Variants in ATP10A observed in about 807,000 individuals in gnomAD.
The protein encoded by ATP10A is phospholipid-transporting ATPase VA.
Under a neutral mutation model 147.8 loss-of-function variants are expected in ATP10A, and 111 were observed. The ratio of observed to expected loss-of-function variants is 0.75; its 90% CI spans 0.64 to 0.88. ATP10A has a LOEUF of 0.88. ATP10A is among the 40% of genes least tolerant of loss of function. The probability of loss-of-function intolerance (pLI) is 0.00; values close to 1 mark genes in which losing one functional copy is unlikely to be tolerated. For missense variants in ATP10A, 1,927 were observed against 1,959.0 expected (o/e 0.98, Z 0.31); for synonymous variants, 875 against 841.6 (o/e 1.04, Z -0.69).
intron 3 of ATP10A, among the ~76,000 whole-genome samples, chr15:25,729,185 A>G (rs1354089995): frequency 2.0e-5 from 3 of 152,174 alleles, no homozygotes; most frequent in African/African-American, 7.2e-5. Flanking sequence ...AGAGATCCTT[A>G]AGTTAAAATG....
intron 1 of ATP10A, among the ~76,000 whole-genome samples, chr15:25,855,541 A>AACATACAC (rs149812126): frequency 5.5e-5 from 8 of 146,108 alleles, no homozygotes; most frequent in African/African-American, 2.0e-4. Context: ...TATTGGTTAA[A>AACATACAC]ACACACACAC....
In ATP10A at chr15:25,716,789, T is replaced by C; in HGVS notation, c.1717A>G (p.Ile573Val). 1.2e-6 allele frequency: 2 copies of C among 1,608,988 alleles called. No homozygotes were observed. The highest frequency in any genetic ancestry group is 1.7e-6 in the Non-Finnish European group (2 of 1,177,914). ...ACTGTGTTGCAGATGGTGAGTGCGA[T>C]GAAGAAATCAAAGACGTCAGACAGC... ...PELSDVFDFF[I>V]ALTICNTVVV... The change falls in exon 9 of 21, where the codon ATC becomes GTC. Residue 573 changes from isoleucine (I) to valine (V), a missense_variant. Ile to Val is a conservative substitution (Grantham distance 29). Coordinates refer to ENST00000555815, the MANE Select transcript of ATP10A (RefSeq NM_024490.4).
Position 25,679,321 on chromosome 15 carries a change from A to T in ATP10A, c.*20T>A. 1 of 1,383,914 alleles carries T rather than the reference A, an allele frequency of 7.2e-7. No homozygotes were observed. The highest frequency in any genetic ancestry group is 9.4e-7 in the Non-Finnish European group (1 of 1,058,468). 85.7% of individuals were successfully genotyped at this position (1,383,914 alleles called of 1,614,324 possible). A position where few individuals can be genotyped will look rare whatever the true frequency, so the allele number is the denominator to read the frequency against. On this transcript the variant is annotated 3_prime_UTR_variant, in exon 21 of 21. Transcript: ENST00000555815. ...ATTAACATTTATTTATATATATTAA[A>T]AAAGGCCATTTCAAGGTTTTCACTG...
At position 25,721,691 on chromosome 15, in the gene ATP10A, A is replaced by G; in HGVS notation, c.1329T>C (p.Thr443=). Residue 443 remains threonine, a synonymous_variant, in exon 7 of 21, where the codon ACT becomes ACC. Transcript: ENST00000555815. ...TENKMVFRRC[T]VSGVEYSHDA... ...CATGAGAATATTCTACACCAGACAC[A>G]GTGCATCTTCGGAAAACCATCTTAT... 2 of 1,614,118 alleles carry G rather than the reference A, an allele frequency of 1.2e-6. No homozygotes were observed. Among genetic ancestry groups the G allele is most frequent in the Non-Finnish European group, 1.7e-6 (2 of 1,180,012 alleles).
intron 14 of ATP10A, among the ~76,000 whole-genome samples, chr15:25,694,370 C>A (rs745819066): frequency 1.2e-4 from 18 of 152,372 alleles, no homozygotes; most frequent in South Asian, 1.0e-3. Flanking sequence ...GAATTCTGGT[C>A]ACCAAGCCTC....
intron 2 of ATP10A, among the ~76,000 whole-genome samples, chr15:25,751,062 G>T (rs9920912): frequency 0.35 from 52,881 of 151,760 alleles, 9,563 homozygotes; most frequent in Non-Finnish European, 0.4. Flanking sequence ...AAAAAAATTA[G>T]CAAAAGACTC....
chr15:25,759,740 T>G (rs1888650238), intron 2 of ATP10A, among the ~76,000 whole-genome samples: 1 of 148,196 alleles, frequency 6.7e-6, no homozygotes, highest in Non-Finnish European at 1.5e-5. Context: ...GCCTGGGAGG[T>G]GGAGGTGGCA....
chr15:25,722,261 A>G (rs573280774), intron 6 of ATP10A, among the ~76,000 whole-genome samples: 2 of 152,314 alleles, frequency 1.3e-5, no homozygotes, highest in African/African-American at 4.8e-5. Flanking sequence ...GTCAGTCCTC[A>G]TAAGCAAGGT....
At chr15:25,773,817 T>TA (rs749913232) in intron 2 of ATP10A, among the ~76,000 whole-genome samples, 4 of 105,028 alleles carry the variant, frequency 3.8e-5, no homozygotes, top group Non-Finnish European at 7.7e-5. Flanking sequence ...CACCTAAACA[T>TA]CCACACACAC....
At chr15:25,727,072 A>C in intron 4 of ATP10A, 88 bp downstream of exon 4, 1 of 1,014,644 alleles carries the variant, frequency 9.9e-7, no homozygotes, top group Admixed American at 2.2e-5. Context: ...AAAAAATGAA[A>C]AAGAAAAAAG....
intron 1 of ATP10A, among the ~76,000 whole-genome samples, chr15:25,787,989 G>A (rs1890248687): frequency 6.6e-6 from 1 of 152,184 alleles, no homozygotes; most frequent in Non-Finnish European, 1.5e-5. Flanking sequence ...CACTGAGAGA[G>A]TTCCCGCTAG....
At chr15:25,783,827 G>A (rs990881791) in intron 1 of ATP10A, among the ~76,000 whole-genome samples, 3 of 152,136 alleles carry the variant, frequency 2.0e-5, no homozygotes, top group South Asian at 2.1e-4. Context: ...TGACAAGCTC[G>A]GTCACCTGCA....
chr15:25,746,256 T>A (rs1394969518), intron 2 of ATP10A, among the ~76,000 whole-genome samples: 2 of 152,142 alleles, frequency 1.3e-5, no homozygotes, highest in African/African-American at 2.4e-5. Flanking sequence ...AAAGCATGTC[T>A]CTATATAAAA....
intron 10 of ATP10A, chr15:25,710,182 T>C (rs955586387): frequency 1.3e-5 from 2 of 152,202 alleles, no homozygotes; most frequent in African/African-American, 4.8e-5. Flanking sequence ...AAGTCCTGTG[T>C]GTCTTGTCTC....
chr15:25,751,928 G>A (rs1888174814), intron 2 of ATP10A, among the ~76,000 whole-genome samples: 1 of 152,050 alleles, frequency 6.6e-6, no homozygotes. Flanking sequence ...AACATCACTA[G>A]TCATTAGGAA....
chr15:25,730,468 C>T (rs943944283), intron 3 of ATP10A, among the ~76,000 whole-genome samples: 1 of 152,150 alleles, frequency 6.6e-6, no homozygotes, highest in African/African-American at 2.4e-5. Flanking sequence ...CATGAGTCCC[C>T]CAGGGCCACT....
At chr15:25,790,409 G>A (rs960725244) in intron 1 of ATP10A, among the ~76,000 whole-genome samples, 2 of 152,238 alleles carry the variant, frequency 1.3e-5, no homozygotes, top group African/African-American at 4.8e-5. Context: ...GCTCAAATGA[G>A]TCAAGCTGAA....
At chr15:25,747,054 A>T (rs1307779394) in intron 2 of ATP10A, among the ~76,000 whole-genome samples, 1 of 152,224 alleles carries the variant, frequency 6.6e-6, no homozygotes, top group Admixed American at 6.5e-5. Context: ...TGGGAGGCCA[A>T]GGCGGGTGGA....
chr15:25,861,014 G>C (rs1893735166), intron 1 of ATP10A, among the ~76,000 whole-genome samples: 1 of 152,186 alleles, frequency 6.6e-6, no homozygotes, highest in Non-Finnish European at 1.5e-5. Context: ...AGGGGACACG[G>C]AGGCCATTTG....
Sources: gnomAD v4.1 joint callset for allele counts (sites outside exome capture counted in the v4.1 genomes callset) on GRCh38, gnomAD v4.1.1 for gene constraint, MANE v1.5 for transcripts, NCBI Gene and HGNC (gene_info 2026-07-23, HGNC 2026-07-21) for gene names.